The following NPAS3 variants were observed in gnomAD, a reference collection of about 807,000 sequenced individuals.
NPAS3 encodes the protein neuronal PAS domain protein 3.
Under a neutral mutation model 73.1 loss-of-function variants are expected in NPAS3, and 14 were observed. That is an observed-to-expected ratio of 0.19 (90% CI 0.13 to 0.30). NPAS3 has a LOEUF of 0.30. NPAS3 is among the 10% of genes least tolerant of loss of function. The pLI is 1.00. For missense variants in NPAS3, 1,096 were observed against 1,250.0 expected (o/e 0.88, Z 1.86); for synonymous variants, 620 against 541.5 (o/e 1.14, Z -2.01).
intron 2 of NPAS3, among the ~76,000 whole-genome samples, chr14:33,213,254 G>T (rs2047104490): frequency 6.6e-6 from 1 of 151,706 alleles, no homozygotes; most frequent in African/African-American, 2.4e-5. Flanking sequence ...AAAATTGTAA[G>T]TTTAGCCCAC....
intron 5 of NPAS3, among the ~76,000 whole-genome samples, chr14:33,662,337 A>G (rs1026166715): frequency 1.3e-5 from 2 of 152,226 alleles, no homozygotes; most frequent in African/African-American, 4.8e-5. Context: ...GGTTAGCACC[A>G]CTGGTAGCAC....
At position 33,481,411 on chromosome 14, in the gene NPAS3, GAT is replaced by G. The variant is rs199861160; in HGVS notation, c.469-78708_469-78707del. 9.6e-3 allele frequency among the ~76,000 whole-genome samples: 1,459 copies of G among 152,194 alleles called. 20 individuals are homozygous for G. Among genetic ancestry groups the G allele is most frequent in the African/African-American group, 0.034 (1,405 of 41,538 alleles). On this transcript the variant is annotated intron_variant, in intron 4 of 11. Transcript: ENST00000356141. The stretch of plus-strand genomic sequence containing the variant: ...AAATTAAGTGCCTAAAAACAAATGT[GAT>G]ACAAATTAGAGTTTGTGTCTTTGAC...
At chr14:33,404,966 T>C (rs2047601486) in intron 4 of NPAS3, among the ~76,000 whole-genome samples, 1 of 152,140 alleles carries the variant, frequency 6.6e-6, no homozygotes, top group African/African-American at 2.4e-5. Flanking sequence ...CTTGTCTATA[T>C]TGTAATGCTT....
chr14:33,573,348 GC>G lies in NPAS3; in HGVS notation c.558+13139del, dbSNP rs540340419. 1.4e-3 allele frequency among the ~76,000 whole-genome samples: 220 copies of G among 152,142 alleles called. 1 individual carries two copies. The highest frequency in any genetic ancestry group is 2.8e-3 in the Non-Finnish European group (189 of 68,032). On this transcript the variant is annotated intron_variant, in intron 5 of 11. Transcript: ENST00000356141. ...TCCTGCCCTTCAGGAGCTGGTTTCT[GC>G]AAGATGCCTTAGACATGGCAACCAA... is the stretch of plus-strand genomic sequence containing the variant.
intron 9 of NPAS3, chr14:33,780,510 T>C (rs527940548): frequency 5.5e-5 from 22 of 399,336 alleles, no homozygotes; most frequent in Non-Finnish European, 8.8e-5. Flanking sequence ...CATTTTGGAA[T>C]CTTAATTAAG....
At chr14:33,247,351 A>G (rs1362252085) in intron 3 of NPAS3, among the ~76,000 whole-genome samples, 1 of 152,182 alleles carries the variant, frequency 6.6e-6, no homozygotes, top group Non-Finnish European at 1.5e-5. Flanking sequence ...TTATGAATAG[A>G]CGGTATTGCC....
chr14:33,113,958 C>G (rs1370967723), intron 2 of NPAS3, among the ~76,000 whole-genome samples: 1 of 152,102 alleles, frequency 6.6e-6, no homozygotes, highest in African/African-American at 2.4e-5. Flanking sequence ...TGTTTATATG[C>G]TGTATTATGT....
At chr14:33,363,686 A>G (rs2045706018) in intron 3 of NPAS3, among the ~76,000 whole-genome samples, 1 of 152,144 alleles carries the variant, frequency 6.6e-6, no homozygotes, top group Non-Finnish European at 1.5e-5. Context: ...TGGACTATTT[A>G]TTAAGTTTTG....
At chr14:33,724,671 T>C (rs554114424) in intron 6 of NPAS3, among the ~76,000 whole-genome samples, 1 of 152,130 alleles carries the variant, frequency 6.6e-6, no homozygotes, top group East Asian at 1.9e-4. Flanking sequence ...ACATGTGAGA[T>C]GTTTTTACAC....
chr14:33,674,561 A>AT (rs2059702601), intron 5 of NPAS3, among the ~76,000 whole-genome samples: 1 of 152,174 alleles, frequency 6.6e-6, no homozygotes, highest in Non-Finnish European at 1.5e-5. Flanking sequence ...TTTCCATGTA[A>AT]TCCCCCCCTC....
chr14:33,733,098 A>G (rs957838409), intron 6 of NPAS3, among the ~76,000 whole-genome samples: 2 of 152,112 alleles, frequency 1.3e-5, no homozygotes, highest in Non-Finnish European at 2.9e-5. Context: ...TTCCTCATCA[A>G]TTGCAAACAT....
chr14:33,643,375 T>TA (rs755879056), intron 5 of NPAS3, among the ~76,000 whole-genome samples: 67,667 of 94,328 alleles, frequency 0.72, 24,580 homozygotes, highest in Non-Finnish European at 0.8. Context: ...AAATAAAAAT[T>TA]AAAAAAAAAA....
chr14:33,435,751 G>GC (rs1350036560), intron 4 of NPAS3, among the ~76,000 whole-genome samples: 1 of 152,036 alleles, frequency 6.6e-6, no homozygotes, highest in African/African-American at 2.4e-5. Context: ...AATCCTATCT[G>GC]CCCCCCTATG....
intron 4 of NPAS3, among the ~76,000 whole-genome samples, chr14:33,445,162 T>A (rs1381855312): frequency 2.6e-5 from 4 of 152,236 alleles, no homozygotes; most frequent in Non-Finnish European, 4.4e-5. Flanking sequence ...TCTGTCATTG[T>A]TCTCCATGCA....
At chr14:33,687,236 G>T (rs1170263327) in intron 6 of NPAS3, among the ~76,000 whole-genome samples, 2 of 151,948 alleles carry the variant, frequency 1.3e-5, no homozygotes, top group African/African-American at 4.8e-5. Context: ...TAATCAATTG[G>T]TAATAAAATA....
At chr14:33,783,588 G>T (rs1285240939) in intron 9 of NPAS3, among the ~76,000 whole-genome samples, 8 of 148,146 alleles carry the variant, frequency 5.4e-5, no homozygotes, top group African/African-American at 7.4e-5. Context: ...TTAGTTTTTT[G>T]GGGGGGTGGT....
chr14:33,442,063 T>C (rs1304834066), intron 4 of NPAS3, among the ~76,000 whole-genome samples: 1 of 152,186 alleles, frequency 6.6e-6, no homozygotes, highest in African/African-American at 2.4e-5. Context: ...TCGTATGACA[T>C]AGTTTGCAGA....
At chr14:33,703,520 T>G (rs1305258931) in intron 6 of NPAS3, among the ~76,000 whole-genome samples, 1 of 152,108 alleles carries the variant, frequency 6.6e-6, no homozygotes, top group African/African-American at 2.4e-5. Flanking sequence ...CTCATTCATT[T>G]ATTCATTTAT....
intron 1 of NPAS3, among the ~76,000 whole-genome samples, chr14:33,042,265 C>T (rs556874813): frequency 6.6e-6 from 1 of 151,998 alleles, no homozygotes; most frequent in Non-Finnish European, 1.5e-5. Context: ...AGATGGTTTC[C>T]TAAGTTATTA....
Sources: allele counts gnomAD v4.1 joint callset (sites outside exome capture counted in the v4.1 genomes callset), GRCh38; gene constraint gnomAD v4.1.1; transcripts MANE v1.5; gene names NCBI Gene and HGNC (gene_info 2026-07-23, HGNC 2026-07-21).